Variants in PCDHA1 observed in about 807,000 individuals in gnomAD.
The protein encoded by PCDHA1 is protocadherin alpha-1.
In PCDHA1, 42 loss-of-function variants were observed where a neutral mutation model predicts 61.3. That is an observed-to-expected ratio of 0.69 (90% CI 0.54 to 0.89). PCDHA1 has a LOEUF of 0.89. Among genes scored for constraint, PCDHA1 ranks in the 40% least tolerant of loss-of-function variants. PCDHA1 has a pLI of 0.00. For synonymous variants in PCDHA1, 610 were observed against 553.8 expected (o/e 1.10, Z -1.43); for missense variants, 1,256 against 1,235.3 (o/e 1.02, Z -0.25).
intron 1 of PCDHA1, chr5:140,928,716 C>T (rs555492959): frequency 3.1e-6 from 5 of 1,614,178 alleles, no homozygotes; most frequent in East Asian, 4.5e-5. Flanking sequence ...ACTCTAGTCT[C>T]TTTAGAATTT....
intron 1 of PCDHA1, chr5:140,807,459 A>G (rs1554124027): frequency 6.2e-7 from 1 of 1,608,048 alleles, no homozygotes; most frequent in Admixed American, 1.7e-5. Flanking sequence ...TCTCGGATCG[A>G]CCGGGAGGAG....
At chr5:140,830,248 A>C (rs1554132663) in intron 1 of PCDHA1, 3 of 1,613,824 alleles carry the variant, frequency 1.9e-6, no homozygotes, top group Non-Finnish European at 2.5e-6. Context: ...TGCTGTACAC[A>C]GCGCTGCGGT....
chr5:140,840,887 T>A (rs1359040754), intron 1 of PCDHA1, among the ~76,000 whole-genome samples: 2 of 151,984 alleles, frequency 1.3e-5, no homozygotes, highest in South Asian at 4.1e-4. Context: ...ATTTCTGATA[T>A]CCATGACATA....
chr5:140,945,635 T>C (rs1200996842), intron 1 of PCDHA1, among the ~76,000 whole-genome samples: 1 of 152,024 alleles, frequency 6.6e-6, no homozygotes, highest in Admixed American at 6.5e-5. Context: ...ATAAAAGACA[T>C]GTAGACCAAT....
intron 1 of PCDHA1, chr5:140,882,976 T>G: frequency 1.2e-6 from 2 of 1,614,220 alleles, no homozygotes; most frequent in Non-Finnish European, 1.7e-6. Flanking sequence ...TGGACGTGAA[T>G]GACAACGCCC....
chr5:140,882,284 C>T (rs782560108), intron 1 of PCDHA1: 7 of 1,612,734 alleles, frequency 4.3e-6, no homozygotes, highest in Non-Finnish European at 5.9e-6. Context: ...GTCTTCCTGG[C>T]AAGGAGGCCC....
rs1413511622 is a variant in PCDHA1, at chr5:140,853,854, T to A, written c.2394+65170T>A. ...CGAAATTTTAGATCCATAGCCCTAT[T>A]TGATACTTGACAGTGCAAGTTTCTG... On this transcript the variant is annotated intron_variant, in intron 1 of 3. Coordinates refer to ENST00000504120, the MANE Select transcript of PCDHA1 (RefSeq NM_018900.4). The A allele has an allele frequency of 2.1e-5, 21 of 985,682 alleles. 4 individuals carry two copies. The highest frequency in any genetic ancestry group is 2.3e-5 in the Non-Finnish European group (19 of 817,834). The allele number at this position is 985,682 out of a possible 1,614,324, so 61.1% of individuals were successfully genotyped here. A position where few individuals can be genotyped will look rare whatever the true frequency, so the allele number is the denominator to read the frequency against.
intron 1 of PCDHA1, chr5:140,860,323 G>C (rs782283348): frequency 2.6e-5 from 4 of 152,078 alleles, no homozygotes; most frequent in Non-Finnish European, 5.9e-5. Flanking sequence ...TGAGGCTGCA[G>C]TGACCCATGA....
At position 140,966,710 on chromosome 5, in the gene PCDHA1, G is replaced by T. The variant is rs552888876; in HGVS notation, c.2395-12239G>T. The T allele has an allele frequency of 2.9e-6, 4 of 1,391,664 alleles. No individual in the cohort carries two copies. In the South Asian group the frequency reaches 6.5e-5, roughly 23 times the overall value. The allele number at this position is 1,391,664 out of a possible 1,614,324, so 86.2% of individuals were successfully genotyped here. A position where few individuals can be genotyped will look rare whatever the true frequency, so the allele number is the denominator to read the frequency against. On this transcript the variant is annotated intron_variant, in intron 1 of 3. Transcript: ENST00000504120. ...AGGCGGGGCCCGGGCGTGGGGCACG[G>T]CTGGGGAAGCTGCCGCCTCCGGCCC...
rs2150454845 is a variant in PCDHA1, at chr5:140,849,865, A to G, written c.2394+61181A>G. On this transcript the variant is annotated intron_variant, in intron 1 of 3. Coordinates refer to ENST00000504120, the MANE Select transcript of PCDHA1 (RefSeq NM_018900.4). ...AACGACAACGCACCAGCGTTCGCGC[A>G]GTCCGAGTACACGGTGTTCGTGAAG... The G allele has an allele frequency of 3.1e-6, 5 of 1,598,572 alleles. 1 individual carries two copies. The Admixed American group carries it at 8.4e-5, about 27-fold the overall frequency.
intron 1 of PCDHA1, among the ~76,000 whole-genome samples, chr5:140,920,841 T>TA (rs781921146): frequency 0.047 from 5,179 of 109,134 alleles, 120 homozygotes; most frequent in African/African-American, 0.092. Flanking sequence ...AGACCAAATC[T>TA]AAAAAAAAAA....
intron 1 of PCDHA1, among the ~76,000 whole-genome samples, chr5:140,910,365 A>G (rs1554194228): frequency 6.6e-6 from 1 of 152,164 alleles, no homozygotes; most frequent in Non-Finnish European, 1.5e-5. Flanking sequence ...TATGGTAGCT[A>G]TGCCCACCTT....
intron 1 of PCDHA1, among the ~76,000 whole-genome samples, chr5:140,910,954 G>A (rs183183329): frequency 3.4e-4 from 51 of 152,174 alleles, no homozygotes; most frequent in Admixed American, 7.2e-4. Flanking sequence ...CTTTTCGAGT[G>A]TAGCACACCT....
At chr5:140,841,225 C>T (rs1777101106) in intron 1 of PCDHA1, 1 of 1,448,206 alleles carries the variant, frequency 6.9e-7, no homozygotes, top group Non-Finnish European at 9.3e-7. Context: ...GGCCGAACAA[C>T]GGGAGATGCA....
intron 1 of PCDHA1, among the ~76,000 whole-genome samples, chr5:140,916,342 T>C (rs1365738177): frequency 2.0e-5 from 3 of 152,122 alleles, no homozygotes; most frequent in Admixed American, 6.5e-5. Context: ...TTCCTCTGTT[T>C]CTGTCAAACA....
At chr5:141,003,160 C>T (rs1383713910) in intron 3 of PCDHA1, among the ~76,000 whole-genome samples, 3 of 152,200 alleles carry the variant, frequency 2.0e-5, no homozygotes. Context: ...CCTGATCAAT[C>T]CTAGTCCCTG....
rs150463901 is a variant in PCDHA1, at chr5:140,882,560, C to A, written c.2394+93876C>A. 1.3e-3 allele frequency: 2,163 copies of A among 1,614,168 alleles called. 36 individuals carry two copies. Among genetic ancestry groups the A allele is most frequent in the Admixed American group, 1.6e-3 (95 of 60,010 alleles). ...GATCGACCGCGAGGAGCTGTGTGGG[C>A]GGAGCGCGGAGTGCAGCATCCACCT... On this transcript the variant is annotated intron_variant, in intron 1 of 3. Coordinates refer to ENST00000504120, the MANE Select transcript of PCDHA1 (RefSeq NM_018900.4).
At position 140,787,947 on chromosome 5, in the gene PCDHA1, G is replaced by A; in HGVS notation, c.1657G>A (p.Val553Met). 1 of 1,613,936 alleles carries A rather than the reference G, an allele frequency of 6.2e-7. No homozygotes were observed. Among genetic ancestry groups the A allele is most frequent in the Middle Eastern group, 1.7e-4 (1 of 6,050 alleles). ...TCTGGGCAGCAACGTGACGCTGCAG[G>A]TGTTCGTGCTGGACGAGAACGACAA... ...PPLGSNVTLQ[V>M]FVLDENDNAP... Residue 553 changes from valine (V) to methionine (M), a missense_variant, in exon 1 of 4, where the codon GTG becomes ATG. Physicochemically the swap from Val to Met is conservative, Grantham distance 21. Coordinates refer to ENST00000504120, the MANE Select transcript of PCDHA1 (RefSeq NM_018900.4).
At chr5:140,871,802 T>G (rs2053316499) in intron 1 of PCDHA1, among the ~76,000 whole-genome samples, 1 of 152,178 alleles carries the variant, frequency 6.6e-6, no homozygotes, top group South Asian at 2.1e-4. Context: ...TAATTACTAT[T>G]TTCACTAAAG....
Sources: gnomAD v4.1 joint callset for allele counts (sites outside exome capture counted in the v4.1 genomes callset) on GRCh38, gnomAD v4.1.1 for gene constraint, MANE v1.5 for transcripts, NCBI Gene and HGNC (gene_info 2026-07-23, HGNC 2026-07-21) for gene names.